ZNF142: variants seen among roughly 807,000 people sequenced by gnomAD.
ZNF142 encodes the protein zinc finger protein 142.
In ZNF142, 96 loss-of-function variants were observed where a neutral mutation model predicts 132.1. The observed-to-expected ratio is 0.73, with a 90% CI of 0.62 to 0.86. The LOEUF (loss-of-function observed/expected upper bound fraction) is 0.86. Among genes scored for constraint, ZNF142 ranks in the 40% least tolerant of loss-of-function variants. The pLI, the probability that ZNF142 is intolerant of heterozygous loss-of-function variation, is 0.00. For synonymous variants in ZNF142, 842 were observed against 890.1 expected, an observed-to-expected ratio of 0.95 and a Z score of 0.96; for missense variants, 2,163 against 2,336.2, an observed-to-expected ratio of 0.93 and a Z score of 1.53.
intron 7 of ZNF142, among the ~76,000 whole-genome samples, chr2:218,648,146 G>A (rs947679462): frequency 5.3e-5 from 8 of 152,232 alleles, no homozygotes; most frequent in African/African-American, 9.6e-5. Context: ...AGACAGTTAC[G>A]AGTGCGAGTT....
Position 218,652,164 on chromosome 2 carries a change from G to A in ZNF142, c.417C>T (p.Cys139=), listed in dbSNP as rs761155329. The A allele has an allele frequency of 1.1e-5, 5 of 454,444 alleles. No individual in the cohort carries two copies. The highest frequency in any genetic ancestry group is 2.2e-5 in the Non-Finnish European group (5 of 225,680). 28.2% of individuals were successfully genotyped at this position (454,444 alleles called of 1,614,324 possible). A position where few individuals can be genotyped will look rare whatever the true frequency, so the allele number is the denominator to read the frequency against. ...QPVQGLSSPP[C]SVELPPSNPT... Reference sequence around the variant, plus strand: ...GGTTGCTGGGAGGCAGCTCTACAGAGCATGGGGGGCTAGAGAGGCCCTGCA... The same window carrying A: ...GGTTGCTGGGAGGCAGCTCTACAGAACATGGGGGGCTAGAGAGGCCCTGCA... The change falls in exon 5 of 11, where the codon TGC becomes TGT. Residue 139 remains cysteine (C), a synonymous_variant. Coordinates refer to ENST00000411696, the MANE Select transcript of ZNF142 (RefSeq NM_001379659.1).
chr2:218,645,097 A>G, intron 8 of ZNF142, 33 bp from the exon 9 acceptor site: 1 of 1,594,266 alleles, frequency 6.3e-7, no homozygotes, highest in Non-Finnish European at 8.6e-7. Context: ...GGCAATCACA[A>G]TAATTAATCA....
chr2:218,655,628 T>A (rs1250857037), intron 4 of ZNF142, among the ~76,000 whole-genome samples: 8 of 152,164 alleles, frequency 5.3e-5, no homozygotes, highest in African/African-American at 1.7e-4. Flanking sequence ...TAGCTGAGAC[T>A]ACAGGTGCAT....
At chr2:218,650,235 G>A in intron 6 of ZNF142, 124 bp downstream of exon 6, 1 of 1,200,220 alleles carries the variant, frequency 8.3e-7, no homozygotes, top group East Asian at 2.4e-5. Context: ...TTTGAGTCAA[G>A]GTAGAACAGA....
In ZNF142 at chr2:218,635,916, T is replaced by A. The variant is rs1696711842; in HGVS notation, c.*2423A>T. On this transcript the variant is annotated 3_prime_UTR_variant, in exon 11 of 11. Transcript: ENST00000411696. ...AGACACAGCACGGCAGGAGACCAAC[T>A]ATGTGGAGAACAATGGTGAGAAACT... is the stretch of plus-strand genomic sequence containing the variant. 2.1e-5 allele frequency: 34 copies of A among 1,614,006 alleles called. No individual in the cohort carries two copies. The highest frequency in any genetic ancestry group is 2.9e-5 in the Non-Finnish European group (34 of 1,179,884).
Position 218,635,615 on chromosome 2 carries a change from G to A in ZNF142, c.*2724C>T, listed in dbSNP as rs989327916. Among the ~76,000 whole-genome samples the A allele has an allele frequency of 6.6e-6, 1 of 152,204 alleles. No individual in the cohort carries two copies. On this transcript the variant is annotated 3_prime_UTR_variant, in exon 11 of 11. Coordinates refer to ENST00000411696, the MANE Select transcript of ZNF142 (RefSeq NM_001379659.1). ...CCTGAAGTGTTGGGATTACAGGTGT[G>A]AGCCACCGTGCCCGGCCTTTGGGTG...
Position 218,643,213 on chromosome 2 carries a change from C to A in ZNF142, c.3903G>T (p.Gly1301=), listed in dbSNP as rs1216603657. Residue 1301 remains glycine, a synonymous_variant, in exon 9 of 11, where the codon GGG becomes GGT. Coordinates refer to ENST00000411696, the MANE Select transcript of ZNF142 (RefSeq NM_001379659.1). ...GACATGTAGGGCAGGAGAAGCGAGCCCCCTTCTGCTTTTGAACCAGAACTG... is the reference window on the plus strand; with the variant it reads ...GACATGTAGGGCAGGAGAAGCGAGCACCCTTCTGCTTTTGAACCAGAACTG... The part of the protein sequence containing the change: ...GDTVLVQKQK[G]ARFSCPTCPF... 1 of 1,614,250 alleles carries A rather than the reference C, an allele frequency of 6.2e-7. No homozygotes were observed. Among genetic ancestry groups the A allele is most frequent in the East Asian group, 2.2e-5 (1 of 44,888 alleles).
chr2:218,635,749 G>T lies in ZNF142; in HGVS notation c.*2590C>A. On this transcript the variant is annotated 3_prime_UTR_variant, in exon 11 of 11. Transcript: ENST00000411696. The stretch of plus-strand genomic sequence containing the variant: ...TGGGGTTGGGAGTAGGGTCGGGTGG[G>T]GCTGGGCTGAGCAGGAACTTGTGAG... 6.3e-7 allele frequency: 1 copy of T among 1,590,090 alleles called. No homozygotes were observed. The highest frequency in any genetic ancestry group is 8.6e-7 in the Non-Finnish European group (1 of 1,168,172).
chr2:218,655,856 T>C (rs1277456008), intron 4 of ZNF142, among the ~76,000 whole-genome samples: 1 of 151,854 alleles, frequency 6.6e-6, no homozygotes, highest in African/African-American at 2.4e-5. Flanking sequence ...ACTGTAAGAG[T>C]AGGGACAAGC....
At position 218,637,856 on chromosome 2, in the gene ZNF142, A is replaced by G. The variant is rs1696847318; in HGVS notation, c.*483T>C. The stretch of plus-strand genomic sequence containing the variant: ...GTCTGAGAGGGGACAGAGTTGATCA[A>G]GATGACAGCCTGGAAATGTTAAGAC... On this transcript the variant is annotated 3_prime_UTR_variant, in exon 11 of 11. Transcript: ENST00000411696. 1 of 152,720 alleles carries G rather than the reference A, an allele frequency of 6.5e-6. No individual in the cohort carries two copies. The highest frequency in any genetic ancestry group is 6.5e-5 in the Admixed American group (1 of 15,294). The allele number at this position is 152,720 out of a possible 1,614,324, so 9.5% of individuals were successfully genotyped here.
chr2:218,656,948 G>C (rs1333317777), intron 3 of ZNF142, among the ~76,000 whole-genome samples: 1 of 151,664 alleles, frequency 6.6e-6, no homozygotes, highest in Non-Finnish European at 1.5e-5. Flanking sequence ...CTCCCCAATA[G>C]CTGGACTACA....
At chr2:218,657,629 CA>C (rs927821098) in intron 3 of ZNF142, among the ~76,000 whole-genome samples, 6 of 152,100 alleles carry the variant, frequency 3.9e-5, no homozygotes, top group African/African-American at 1.4e-4. Context: ...GGGGTTTCTC[CA>C]TGTTGGTTGG....
In ZNF142 at chr2:218,636,297, T is replaced by C. The variant is rs1471943965; in HGVS notation, c.*2042A>G. The C allele has an allele frequency of 2.5e-6, 4 of 1,613,930 alleles. No homozygotes were observed. In the Admixed American group the frequency reaches 6.7e-5, roughly 27 times the overall value. On this transcript the variant is annotated 3_prime_UTR_variant, in exon 11 of 11. Transcript: ENST00000411696. ...TGTTTCCGGGTGCTGGTGCCTGAAC[T>C]TGCCATGCTGCGTTTTGTGGTAATG...
chr2:218,643,430 T>C lies in ZNF142; in HGVS notation c.3686A>G (p.Asn1229Ser). 1 of 1,613,862 alleles carries C rather than the reference T, an allele frequency of 6.2e-7. No individual in the cohort carries two copies. The highest frequency in any genetic ancestry group is 8.5e-7 in the Non-Finnish European group (1 of 1,179,932). ...HRFEQGKFHCNSCPFLCSRLS... is the reference protein window; with the variant it reads ...HRFEQGKFHCSSCPFLCSRLS... ...CCGGGAACAAAGGAATGGGCAGGAG[T>C]TGCAGTGAAACTTGCCCTGCTCAAA... The change falls in exon 9 of 11, where the codon AAC becomes AGC. Residue 1229 changes from asparagine to serine, a missense_variant. Around this residue, in one of 7 missense-constraint regions of ZNF142, gnomAD observed 809 missense variants for 801.7 expected, o/e 1.01. Coordinates refer to ENST00000411696, the MANE Select transcript of ZNF142 (RefSeq NM_001379659.1).
In ZNF142 at chr2:218,649,013, C is replaced by T. The variant is rs759518507; in HGVS notation, c.1495G>A (p.Asp499Asn). The T allele has an allele frequency of 6.8e-6, 11 of 1,612,346 alleles. No homozygotes were observed. The Admixed American group carries it at 8.3e-5, about 12-fold the overall frequency. ...AGGTGCTTAATGAAGGCCTTGCGGTCGGGTGCTGCATAGCTGCAGCCCTCC... is the reference window on the plus strand; with the variant it reads ...AGGTGCTTAATGAAGGCCTTGCGGTTGGGTGCTGCATAGCTGCAGCCCTCC... Reference protein sequence around the residue: ...FQEGCSYAAPDRKAFIKHLKE... With the variant: ...FQEGCSYAAPNRKAFIKHLKE... The change falls in exon 7 of 11, where the codon GAC (aspartate) becomes AAC (asparagine). Residue 499 changes from aspartate (D) to asparagine (N), a missense_variant. Coordinates refer to ENST00000411696, the MANE Select transcript of ZNF142 (RefSeq NM_001379659.1).
At chr2:218,645,330 T>C (rs1697643172) in intron 8 of ZNF142, among the ~76,000 whole-genome samples, 1 of 152,198 alleles carries the variant, frequency 6.6e-6, no homozygotes, top group Non-Finnish European at 1.5e-5. Context: ...GCCTGTGTTC[T>C]AAGCCCTATT....
At position 218,650,433 on chromosome 2, in the gene ZNF142, T is replaced by G. The variant is rs767770165; in HGVS notation, c.974A>C (p.Lys325Thr). ...QETAEEENVE[K>T]EEKSDTQKDS... is the part of the protein sequence containing the mutation. ...CTTCTGGGTGTCACTCTTCTCTTCT[T>G]TCTCTACATTCTCCTCTTCAGCTGT... Residue 325 changes from lysine (K) to threonine (T), a missense_variant, in exon 6 of 11, where the codon AAA (lysine) becomes ACA (threonine). Transcript: ENST00000411696. 1 of 1,614,234 alleles carries G rather than the reference T, an allele frequency of 6.2e-7. No homozygotes were observed. Among genetic ancestry groups the G allele is most frequent in the South Asian group, 1.1e-5 (1 of 91,090 alleles).
At position 218,649,194 on chromosome 2, in the gene ZNF142, C is replaced by T; in HGVS notation, c.1314G>A (p.Met438Ile). The T allele has an allele frequency of 1.2e-6, 2 of 1,614,248 alleles. No homozygotes were observed. Among genetic ancestry groups the T allele is most frequent in the Non-Finnish European group, 1.7e-6 (2 of 1,180,048 alleles). ...AVERNALNRH[M>I]ASMHEDISNF... ...TGGAAATATCTTCATGCATGCTGGC[C>T]ATGTGGCGGTTGAGTGCATTCCTCT... The change falls in exon 7 of 11, where the codon ATG becomes ATA. Residue 438 changes from methionine (M) to isoleucine (I), a missense_variant. Physicochemically the swap from Met to Ile is conservative, Grantham distance 10. Coordinates refer to ENST00000411696, the MANE Select transcript of ZNF142 (RefSeq NM_001379659.1).
At chr2:218,639,806 A>G (rs1697022094) in intron 10 of ZNF142, among the ~76,000 whole-genome samples, 1 of 150,672 alleles carries the variant, frequency 6.6e-6, no homozygotes, top group African/African-American at 2.4e-5. Flanking sequence ...CTGTAATCCC[A>G]GCACTTTGGG....
Sources: gnomAD v4.1 joint callset for allele counts (sites outside exome capture counted in the v4.1 genomes callset) on GRCh38, gnomAD v4.1.1 for gene constraint, gnomAD v4.1.1 regional missense constraint, MANE v1.5 for transcripts, NCBI Gene and HGNC (gene_info 2026-07-23, HGNC 2026-07-21) for gene names.